Variants in SOX6 observed in about 807,000 individuals in gnomAD.
SOX6 encodes transcription factor SOX-6.
Under a neutral mutation model 97.8 loss-of-function variants are expected in SOX6, and 11 were observed. The observed-to-expected ratio is 0.11, with a 90% CI of 0.07 to 0.19. SOX6 has a LOEUF of 0.19. Among genes scored for constraint, SOX6 ranks in the 10% least tolerant of loss-of-function variants. SOX6 has a pLI of 1.00. For missense variants in SOX6, 810 were observed against 1,039.5 expected, an observed-to-expected ratio of 0.78 and a Z score of 3.04; for synonymous variants, 360 against 371.4, an observed-to-expected ratio of 0.97 and a Z score of 0.35.
At chr11:16,490,726 A>G (rs1196510551) in intron 4 of SOX6, among the ~76,000 whole-genome samples, 1 of 152,132 alleles carries the variant, frequency 6.6e-6, no homozygotes, top group Admixed American at 6.5e-5. Context: ...TGCCAGAAGT[A>G]TAAGAGAAGT....
intron 4 of SOX6, among the ~76,000 whole-genome samples, chr11:16,489,929 TG>T: frequency 6.6e-6 from 1 of 152,234 alleles, no homozygotes; most frequent in South Asian, 2.1e-4. Flanking sequence ...TTAATTTCTC[TG>T]CACCTTAGTT....
chr11:16,632,425 C>A (rs191414780), intron 3 of SOX6, among the ~76,000 whole-genome samples: 25 of 152,250 alleles, frequency 1.6e-4, no homozygotes, highest in African/African-American at 5.8e-4. Context: ...TTTAGCTTGT[C>A]TGGAAAATAT....
chr11:16,362,962 T>C (rs1278222605), intron 1 of SOX6, among the ~76,000 whole-genome samples: 1 of 152,180 alleles, frequency 6.6e-6, no homozygotes, highest in Non-Finnish European at 1.5e-5. Flanking sequence ...GCCGTTAACT[T>C]ATAAACACAC....
At chr11:16,362,543 T>C (rs187579777) in intron 1 of SOX6, among the ~76,000 whole-genome samples, 1 of 152,068 alleles carries the variant, frequency 6.6e-6, no homozygotes, top group African/African-American at 2.4e-5. Flanking sequence ...TTTTCCCTTA[T>C]AGAACAGCAA....
At chr11:16,037,357 T>C (rs750017492) in intron 12 of SOX6, among the ~76,000 whole-genome samples, 2 of 152,170 alleles carry the variant, frequency 1.3e-5, no homozygotes, top group Non-Finnish European at 2.9e-5. Context: ...ATGTCCTTCC[T>C]CTGCATACTG....
chr11:16,431,614 C>A (rs892488383), intron 1 of SOX6, among the ~76,000 whole-genome samples: 9 of 151,836 alleles, frequency 5.9e-5, no homozygotes, highest in African/African-American at 1.9e-4. Flanking sequence ...AAAATAAAAA[C>A]ATGAGAAAGA....
rs745532158 is a variant in SOX6 at position 16,097,674 on chromosome 11, C to T, written c.913G>A (p.Val305Ile). 1.2e-5 allele frequency: 19 copies of T among 1,610,644 alleles called. 1 individual carries two copies. Among genetic ancestry groups the T allele is most frequent in the South Asian group, 4.4e-5 (4 of 91,056 alleles). ...GCCATTGTTGATGGAATGAACTGTA[C>T]GGGGTAGTTATCACCTGTCGGAAAG... ...ITYKPGDNYP[V>I]QFIPSTMAAA... The change falls in exon 8 of 16, where the codon GTA (valine) becomes ATA (isoleucine). Residue 305 changes from valine to isoleucine, a missense_variant. Transcript: ENST00000683767.
chr11:16,130,823 T>C (rs1253130598), intron 6 of SOX6, among the ~76,000 whole-genome samples: 1 of 152,004 alleles, frequency 6.6e-6, no homozygotes, highest in Non-Finnish European at 1.5e-5. Flanking sequence ...GATCCACACC[T>C]ATTTGGTCAA....
chr11:16,595,447 GA>G (rs2133974769), intron 4 of SOX6, among the ~76,000 whole-genome samples: 1 of 152,134 alleles, frequency 6.6e-6, no homozygotes, highest in Non-Finnish European at 1.5e-5. Flanking sequence ...CTGGCTCAGA[GA>G]AAAGGCATTC....
At chr11:16,189,764 CG>C (rs1303462754) in intron 4 of SOX6, among the ~76,000 whole-genome samples, 1 of 152,038 alleles carries the variant, frequency 6.6e-6, no homozygotes, top group Non-Finnish European at 1.5e-5. Context: ...TTCTAACATA[CG>C]TGTAATTGTA....
intron 1 of SOX6, among the ~76,000 whole-genome samples, chr11:16,361,554 A>G (rs1857211670): frequency 6.6e-6 from 1 of 152,186 alleles, no homozygotes; most frequent in Non-Finnish European, 1.5e-5. Context: ...TGATTTATGA[A>G]GCATCCATGC....
At chr11:16,530,592 G>T (rs542958584) in intron 4 of SOX6, among the ~76,000 whole-genome samples, 1 of 152,082 alleles carries the variant, frequency 6.6e-6, no homozygotes, top group East Asian at 1.9e-4. Flanking sequence ...TTCTCTAAAC[G>T]TATGAAAGGA....
At chr11:16,298,627 T>G (rs906901074) in intron 3 of SOX6, among the ~76,000 whole-genome samples, 2 of 152,144 alleles carry the variant, frequency 1.3e-5, no homozygotes, top group African/African-American at 4.8e-5. Context: ...ATTGAATAAA[T>G]GGTCCATTCA....
intron 7 of SOX6, among the ~76,000 whole-genome samples, chr11:16,105,878 G>A (rs75632467): frequency 0.11 from 16,081 of 151,984 alleles, 1,750 homozygotes; most frequent in East Asian, 0.37. Flanking sequence ...AGCTTAACAC[G>A]CAAGTATCAG....
intron 2 of SOX6, among the ~76,000 whole-genome samples, chr11:16,332,100 T>G (rs927626544): frequency 7.9e-5 from 12 of 152,146 alleles, no homozygotes; most frequent in Non-Finnish European, 1.5e-4. Context: ...CAATTATATC[T>G]GAAATACATC....
intron 1 of SOX6, among the ~76,000 whole-genome samples, chr11:16,387,606 C>T (rs1052388393): frequency 4.6e-5 from 7 of 152,034 alleles, no homozygotes; most frequent in Non-Finnish European, 1.0e-4. Flanking sequence ...TTTGTTATGA[C>T]AGATGGTACT....
chr11:16,397,039 G>A (rs1264013271), intron 1 of SOX6, among the ~76,000 whole-genome samples: 12 of 151,038 alleles, frequency 7.9e-5, no homozygotes, highest in African/African-American at 2.9e-4. Flanking sequence ...GAATCTTTAC[G>A]TGAATATTTT....
At chr11:16,426,213 G>A (rs1352114218) in intron 1 of SOX6, among the ~76,000 whole-genome samples, 22 of 120,436 alleles carry the variant, frequency 1.8e-4, no homozygotes, top group South Asian at 1.2e-3. Context: ...CTGAGATTGC[G>A]CCACTGCACT....
At chr11:16,060,441 T>C (rs1847919952) in intron 9 of SOX6, among the ~76,000 whole-genome samples, 1 of 151,930 alleles carries the variant, frequency 6.6e-6, no homozygotes, top group Middle Eastern at 3.4e-3. Flanking sequence ...AACTGGACAG[T>C]AGGATATCAG....
Sources: allele counts gnomAD v4.1 joint callset (sites outside exome capture counted in the v4.1 genomes callset), GRCh38; gene constraint gnomAD v4.1.1; transcripts MANE v1.5; gene names NCBI Gene and HGNC (gene_info 2026-07-23, HGNC 2026-07-21).